IGDCC4: variants seen among roughly 807,000 people sequenced by gnomAD.
The protein encoded by IGDCC4 is immunoglobulin superfamily DCC subclass member 4, also known as likely ortholog of mouse neighbor of Punc E11.
In IGDCC4, 72 loss-of-function variants were observed where a neutral mutation model predicts 116.6. The observed-to-expected ratio is 0.62, with a 90% CI of 0.51 to 0.75. The LOEUF (loss-of-function observed/expected upper bound fraction) is 0.75, where lower values mean the gene tolerates loss of function less well. Among genes scored for constraint, IGDCC4 ranks in the 30% least tolerant of loss-of-function variants. The probability of loss-of-function intolerance (pLI) is 0.00; values close to 1 mark genes in which losing one functional copy is unlikely to be tolerated. For missense variants in IGDCC4, 1,501 were observed against 1,662.4 expected (o/e 0.90, Z 1.69); for synonymous variants, 709 against 719.9 (o/e 0.98, Z 0.24).
chr15:65,394,292 AC>A, intron 9 of IGDCC4, 118 bp downstream of exon 9: 4 of 1,492,986 alleles, frequency 2.7e-6, no homozygotes, highest in Non-Finnish European at 3.6e-6. Flanking sequence ...CCCTTCCCCA[AC>A]CCCTACTCTG....
chr15:65,394,864 G>A (rs1002719270), intron 8 of IGDCC4, among the ~76,000 whole-genome samples: 4 of 152,154 alleles, frequency 2.6e-5, no homozygotes, highest in African/African-American at 7.2e-5. Flanking sequence ...TCACAGACCT[G>A]GGCTTAAGTC....
intron 1 of IGDCC4, among the ~76,000 whole-genome samples, chr15:65,415,920 G>A (rs2063138132): frequency 6.6e-6 from 1 of 152,064 alleles, no homozygotes; most frequent in South Asian, 2.1e-4. Context: ...GACAGACAAG[G>A]GGGTGTGGTG....
At chr15:65,410,527 C>T (rs1567092366) in intron 2 of IGDCC4, 4 of 602,648 alleles carry the variant, frequency 6.6e-6, no homozygotes, top group Non-Finnish European at 8.8e-6. Context: ...CCAAAGCCCC[C>T]CTGCCCAACA....
In IGDCC4 at chr15:65,394,411, C is replaced by T. The variant is rs751602503; in HGVS notation, c.1714G>A (p.Asp572Asn). The T allele has an allele frequency of 1.9e-6, 3 of 1,613,916 alleles. No homozygotes were observed. Among genetic ancestry groups the T allele is most frequent in the African/African-American group, 1.3e-5 (1 of 74,928 alleles). The change falls in exon 9 of 20, where the codon GAT (aspartate) becomes AAT (asparagine). Residue 572 changes from aspartate to asparagine, a missense_variant and splice_region_variant. Physicochemically the swap from Asp to Asn is conservative, Grantham distance 23. Transcript: ENST00000352385. ...CTGCAGCCCACCCACCCCCACTCAC[C>T]TTCCTTTCCCAAACCGTATTCTATC... ...YKIEYGLGKE[D>N]QIFSTEVRGN...
chr15:65,413,053 TGTGTGTGA>T (rs1374515191), intron 1 of IGDCC4, among the ~76,000 whole-genome samples: 147 of 151,754 alleles, frequency 9.7e-4, no homozygotes, highest in African/African-American at 3.5e-3. Context: ...TGTGTGTGTG[TGTGTGTGA>T]ATACTATATA....
intron 3 of IGDCC4, among the ~76,000 whole-genome samples, chr15:65,407,988 C>G (rs569627386): frequency 9.9e-5 from 15 of 151,962 alleles, no homozygotes; most frequent in African/African-American, 3.6e-4. Flanking sequence ...AGGTTGGTCT[C>G]TAACTCCTGA....
At position 65,384,321 on chromosome 15, in the gene IGDCC4, G is replaced by A; in HGVS notation, c.3441C>T (p.Asp1147=). 2 of 1,605,810 alleles carry A rather than the reference G, an allele frequency of 1.2e-6. No individual in the cohort carries two copies. The highest frequency in any genetic ancestry group is 1.7e-6 in the Non-Finnish European group (2 of 1,176,012). ...CAGGCTCCAGGTCTTGGAGATGGAG[G>A]TCAGGGTTCCCGTTAGATGCACTAA... ...SDFSASNGNP[D]LHLQDLEPED... is the part of the protein sequence containing the mutation. The change falls in exon 20 of 20, where the codon GAC becomes GAT. Residue 1147 remains aspartate (D), a synonymous_variant. Transcript: ENST00000352385. The surrounding 1 kb of genome is among the most constrained non-coding windows in gnomAD (Gnocchi z 4.9).
rs371039661 is a variant in IGDCC4 at position 65,395,076 on chromosome 15, C to T, written c.1576+18G>A. On this transcript the variant is annotated intron_variant, in intron 8 of 19. Transcript: ENST00000352385. ...TCTCTTTACCCCAAGCTGCCCACTG[C>T]GAGTTCAGAGGCCCTACCATCATCC... The T allele has an allele frequency of 1.0e-5, 16 of 1,587,480 alleles. No homozygotes were observed. In the African/African-American group the frequency reaches 1.6e-4, roughly 16 times the overall value.
In IGDCC4 at chr15:65,384,676, C is replaced by T. The variant is rs1210092227; in HGVS notation, c.3343-257G>A. 1.3e-5 allele frequency among the ~76,000 whole-genome samples: 2 copies of T among 152,108 alleles called. No homozygotes were observed. The highest frequency in any genetic ancestry group is 2.9e-5 in the Non-Finnish European group (2 of 68,008). ...TCTGGGGACAGGAGGAAGGGCTGAG[C>T]GTACTCAGGCCAGCCACACCCTCAG... On this transcript the variant is annotated intron_variant, in intron 19 of 19. Transcript: ENST00000352385. This position sits in a 1 kb window ranked among gnomAD's most constrained non-coding sequence, Gnocchi z 4.9.
chr15:65,410,071 G>T, intron 3 of IGDCC4, 107 bp downstream of exon 3: 1 of 1,331,440 alleles, frequency 7.5e-7, no homozygotes, highest in Non-Finnish European at 1.0e-6. Flanking sequence ...ACTCAAGTCA[G>T]CTTAGGTAAA....
intron 1 of IGDCC4, among the ~76,000 whole-genome samples, chr15:65,414,808 AT>A (rs1275503632): frequency 6.6e-6 from 1 of 152,106 alleles, no homozygotes; most frequent in Non-Finnish European, 1.5e-5. Context: ...CACCTGACTA[AT>A]TTTTGTATTC....
At chr15:65,404,418 C>T (rs956800570) in intron 3 of IGDCC4, among the ~76,000 whole-genome samples, 4 of 152,084 alleles carry the variant, frequency 2.6e-5, no homozygotes, top group Non-Finnish European at 4.4e-5. Context: ...CAGGAAAGGA[C>T]GAATTGGGGA....
At chr15:65,390,131 A>C in intron 13 of IGDCC4, 24 bp downstream of exon 13, 2 of 1,524,616 alleles carry the variant, frequency 1.3e-6, no homozygotes, top group South Asian at 1.2e-5. Context: ...CCTTCTTTAC[A>C]TTAGTAAAGG....
At position 65,396,861 on chromosome 15, in the gene IGDCC4, T is replaced by C. The variant is rs764051926; in HGVS notation, c.970A>G (p.Thr324Ala). 1.5e-5 allele frequency: 23 copies of C among 1,575,680 alleles called. No individual in the cohort carries two copies. The highest frequency in any genetic ancestry group is 9.2e-5 in the Admixed American group (5 of 54,446). ...ANKPRTRDFA[T>A]AAAELRVLAA... ...AGCACACGGAGCTCAGCGGCTGCAG[T>C]GGCGAAGTCGCGCGTGCGGGGCTTG... The change falls in exon 6 of 20, where the codon ACT (threonine) becomes GCT (alanine). Residue 324 changes from threonine to alanine, a missense_variant. Physicochemically the swap from Thr to Ala is moderately conservative, Grantham distance 58. Coordinates refer to ENST00000352385, the MANE Select transcript of IGDCC4 (RefSeq NM_020962.3).
intron 3 of IGDCC4, among the ~76,000 whole-genome samples, chr15:65,404,222 A>G (rs1595788363): frequency 6.6e-6 from 1 of 152,200 alleles, no homozygotes; most frequent in East Asian, 1.9e-4. Context: ...GAAAAAAAGC[A>G]TAAATATGCC....
At chr15:65,422,748 C>T in intron 1 of IGDCC4, 45 bp downstream of exon 1, 3 of 1,316,514 alleles carry the variant, frequency 2.3e-6, no homozygotes, top group Non-Finnish European at 1.9e-6. Flanking sequence ...GCGGGCGCAC[C>T]AGCACTCCGC....
Position 65,400,936 on chromosome 15 carries a change from C to T in IGDCC4, c.711G>A (p.Ala237=), listed in dbSNP as rs138158048. The part of the protein sequence containing the change: ...LLSVAHRGSL[A]STRGQDVVIV... The stretch of plus-strand genomic sequence containing the variant: ...TGACCACGTCCTGCCCCCTGGTGGA[C>T]GCCAGGGACCCTGGCGAGAAGACAG... Residue 237 remains alanine, a synonymous_variant, in exon 5 of 20, where the codon GCG becomes GCA. Transcript: ENST00000352385. 1.4e-4 allele frequency: 226 copies of T among 1,613,946 alleles called. 1 individual carries two copies. The highest frequency in any genetic ancestry group is 1.8e-4 in the East Asian group (8 of 44,866).
Position 65,383,943 on chromosome 15 carries a change from G to A in IGDCC4, c.*66C>T, listed in dbSNP as rs957054783. ...TACAGGCACACATGTGGACATACAC[G>A]GCCACAGGTATCGCATCCTATGTGA... On this transcript the variant is annotated 3_prime_UTR_variant, in exon 20 of 20. Coordinates refer to ENST00000352385, the MANE Select transcript of IGDCC4 (RefSeq NM_020962.3). 70 of 1,414,670 alleles carry A rather than the reference G, an allele frequency of 4.9e-5. No individual in the cohort carries two copies. Among genetic ancestry groups the A allele is most frequent in the Non-Finnish European group, 6.0e-5 (63 of 1,056,802 alleles). 87.6% of individuals were successfully genotyped at this position (1,414,670 alleles called of 1,614,324 possible). A position where few individuals can be genotyped will look rare whatever the true frequency, so the allele number is the denominator to read the frequency against.
rs529989977 is a variant in IGDCC4, at chr15:65,401,021, G to A, written c.701-75C>T. On this transcript the variant is annotated intron_variant, in intron 4 of 19. Transcript: ENST00000352385. The stretch of plus-strand genomic sequence containing the variant: ...TGCGATACCTCACCTGAGTCTCACA[G>A]TAACCTGGTGAGGTGGTACCGGGGA... 6.3e-6 allele frequency: 10 copies of A among 1,577,932 alleles called. No homozygotes were observed. The South Asian group carries it at 1.1e-4, about 18-fold the overall frequency.
Sources: gnomAD v4.1 joint callset for allele counts (sites outside exome capture counted in the v4.1 genomes callset) on GRCh38, gnomAD v4.1.1 for gene constraint, Gnocchi (gnomAD v3.1) non-coding constraint, MANE v1.5 for transcripts, NCBI Gene and HGNC (gene_info 2026-07-23, HGNC 2026-07-21) for gene names.